The following RPL3 variants were observed in gnomAD, a reference collection of about 807,000 sequenced individuals.
RPL3 encodes ribosomal protein L3, also known as large ribosomal subunit protein uL3.
A neutral mutation model predicts 46.0 loss-of-function variants in RPL3; 3 were observed. The observed-to-expected ratio is 0.07, with a 90% CI of 0.03 to 0.17. The LOEUF (loss-of-function observed/expected upper bound fraction) is 0.17. Among genes scored for constraint, RPL3 ranks in the 10% least tolerant of loss-of-function variants. The pLI is 1.00. For synonymous variants in RPL3, 224 were observed against 190.8 expected (o/e 1.17, Z -1.43); for missense variants, 387 against 532.7 (o/e 0.73, Z 2.69).
At chr22:39,313,996 G>A in intron 7 of RPL3, 111 bp downstream of exon 7, 1 of 916,426 alleles carries the variant, frequency 1.1e-6, no homozygotes. Flanking sequence ...ACACAGCTAG[G>A]TGTTGTGTTG....
intron 9 of RPL3, 50 bp downstream of exon 9, chr22:39,313,141 G>T: frequency 1.1e-5 from 18 of 1,599,552 alleles, no homozygotes; most frequent in Non-Finnish European, 1.5e-5. Context: ...AAAGGCAGGC[G>T]GCTGCCCAAG....
At chr22:39,318,072 T>A (rs1299016124) in intron 2 of RPL3, 3 of 365,428 alleles carry the variant, frequency 8.2e-6, no homozygotes, top group African/African-American at 2.1e-5. Context: ...GAAAAAAACA[T>A]GAATGAGGCA....
rs143444539 is a variant in RPL3 at position 39,316,404 on chromosome 22, C to G, written c.501+302G>C. 4.5e-4 allele frequency among the ~76,000 whole-genome samples: 68 copies of G among 152,310 alleles called. No homozygotes were observed. The South Asian group carries it at 7.5e-3, about 17-fold the overall frequency. On this transcript the variant is annotated intron_variant, in intron 4 of 9. Transcript: ENST00000216146. ...TCAGCCAGGATAACCAGTAACAGGA[C>G]AGCAAGAGGCACCCACTCTAACCAA...
At chr22:39,313,578 G>T in intron 8 of RPL3, 56 bp downstream of exon 8, 1 of 1,542,048 alleles carries the variant, frequency 6.5e-7, no homozygotes, top group Non-Finnish European at 8.9e-7. Flanking sequence ...AGCGTCTGTG[G>T]CCTTGGATCC....
In RPL3 at chr22:39,314,779, G is replaced by A; in HGVS notation, c.756C>T (p.Ala252=). The A allele has an allele frequency of 6.2e-7, 1 of 1,613,708 alleles. No individual in the cohort carries two copies. The highest frequency in any genetic ancestry group is 1.1e-5 in the South Asian group (1 of 91,040). ...RKTHRGLRKV[A]CIGAWHPARV... is the part of the protein sequence containing the mutation. Reference sequence around the variant, plus strand: ...GAGCAGGATGCCATGCCCCAATACAGGCCACCTTGCGCAGGCCTCGGTGGG... The same window carrying A: ...GAGCAGGATGCCATGCCCCAATACAAGCCACCTTGCGCAGGCCTCGGTGGG... The change falls in exon 6 of 10, where the codon GCC becomes GCT. Residue 252 remains alanine, a synonymous_variant. Coordinates refer to ENST00000216146, the MANE Select transcript of RPL3 (RefSeq NM_000967.4).
At chr22:39,316,300 C>G (rs1310060756) in intron 4 of RPL3, among the ~76,000 whole-genome samples, 1 of 151,964 alleles carries the variant, frequency 6.6e-6, no homozygotes, top group Non-Finnish European at 1.5e-5. Context: ...TGGCAATGTC[C>G]TGACAAAATT....
In RPL3 at chr22:39,314,138, T is replaced by C. The variant is rs1272811845; in HGVS notation, c.920A>G (p.Tyr307Cys). The C allele has an allele frequency of 3.1e-6, 5 of 1,613,220 alleles. No homozygotes were observed. Among genetic ancestry groups the C allele is most frequent in the Non-Finnish European group, 4.2e-6 (5 of 1,180,002 alleles). The part of the protein sequence containing the change: ...KLIKNNASTD[Y>C]DLSDKSINPL... ...GTTGATGCTCTTGTCAGATAGGTCA[T>C]AGTCAGTGGAGGCATTGTTCTTGAT... Residue 307 changes from tyrosine to cysteine, a missense_variant, in exon 7 of 10, where the codon TAT becomes TGT. By Grantham distance (194) the Tyr-to-Cys change is radical. Around this residue, in one of 5 missense-constraint regions of RPL3, gnomAD observed 131 missense variants for 185.1 expected, o/e 0.71. Transcript: ENST00000216146.
intron 3 of RPL3, 47 bp downstream of exon 3, chr22:39,317,414 C>CAGCTCCCA (rs141799630): frequency 2.6e-5 from 41 of 1,589,926 alleles, no homozygotes; most frequent in South Asian, 9.0e-5. Flanking sequence ...CCCTGCTCTC[C>CAGCTCCCA]AGCTCCCAAG....
At chr22:39,316,874 C>A in intron 3 of RPL3, 33 bp from the exon 4 acceptor site, 1 of 1,613,216 alleles carries the variant, frequency 6.2e-7, no homozygotes, top group Non-Finnish European at 8.5e-7. Flanking sequence ...GGGAGGGGAC[C>A]AGGTGCAGGC....
chr22:39,316,593 T>G, intron 4 of RPL3, 113 bp downstream of exon 4: 1 of 1,393,980 alleles, frequency 7.2e-7, no homozygotes. Flanking sequence ...CACAGTGCCC[T>G]CTGCTGGCAA....
intron 6 of RPL3, 33 bp downstream of exon 6, chr22:39,314,653 C>G (rs374292805): frequency 4.4e-6 from 7 of 1,591,920 alleles, no homozygotes; most frequent in Non-Finnish European, 6.0e-6. Context: ...GGGGCCTCTT[C>G]CCACCCCCAG....
chr22:39,315,235 T>G, intron 5 of RPL3, 134 bp downstream of exon 5: 1 of 1,255,508 alleles, frequency 8.0e-7, no homozygotes, highest in Middle Eastern at 1.9e-4. Context: ...AGGAAGGCAG[T>G]AGAGAATGGT....
At chr22:39,316,096 G>C (rs940999509) in intron 4 of RPL3, among the ~76,000 whole-genome samples, 1 of 152,304 alleles carries the variant, frequency 6.6e-6, no homozygotes, top group East Asian at 1.9e-4. Flanking sequence ...AAAATTAGTA[G>C]GGCGTGGTGG....
In RPL3 at chr22:39,318,450, T is replaced by C. The variant is rs1403992247; in HGVS notation, c.146A>G (p.Tyr49Cys). 5.6e-6 allele frequency: 9 copies of C among 1,613,982 alleles called. No homozygotes were observed. Among genetic ancestry groups the C allele is most frequent in the Non-Finnish European group, 6.8e-6 (8 of 1,179,996 alleles). ...KPVHLTAFLG[Y>C]KAGMTHIVRE... ...CACGATGTGAGTCATGCCAGCCTTG[T>C]ATCCCAGGAAGGCTGTGAGGTGGAC... The change falls in exon 2 of 10, where the codon TAC becomes TGC. Residue 49 changes from tyrosine (Y) to cysteine (C), a missense_variant. Coordinates refer to ENST00000216146, the MANE Select transcript of RPL3 (RefSeq NM_000967.4).
chr22:39,316,372 CTT>C (rs1239279253), intron 4 of RPL3, among the ~76,000 whole-genome samples: 4 of 152,198 alleles, frequency 2.6e-5, no homozygotes, highest in African/African-American at 9.7e-5. Context: ...GCACTCAGCA[CTT>C]GAGATCAGCC....
chr22:39,314,981 G>A, intron 5 of RPL3, 135 bp from the exon 6 acceptor site: 7 of 1,255,670 alleles, frequency 5.6e-6, no homozygotes, highest in East Asian at 2.4e-5. Context: ...TTACCCACAG[G>A]TCTCCCCTGT....
intron 8 of RPL3, 66 bp downstream of exon 8, chr22:39,313,568 A>AGAG: frequency 6.8e-7 from 1 of 1,461,010 alleles, no homozygotes; most frequent in East Asian, 2.3e-5. Context: ...CAGGGCCACC[A>AGAG]GCGTCTGTGG....
Position 39,317,518 on chromosome 22 carries a change from T to G in RPL3, c.308A>C (p.Lys103Thr). 6.2e-7 allele frequency: 1 copy of G among 1,613,966 alleles called. No individual in the cohort carries two copies. ...ACTGATGTGCTCAGCAAAGACAGTC[T>G]TGAAGGTCCGGAGGCCTCGAGGGGT... ...VETPRGLRTF[K>T]TVFAEHISDE... Residue 103 changes from lysine (K) to threonine (T), a missense_variant, in exon 3 of 10, where the codon AAG (lysine) becomes ACG (threonine). Lys to Thr is a moderately conservative substitution (Grantham distance 78). Transcript: ENST00000216146.
chr22:39,313,302 C>T lies in RPL3; in HGVS notation c.1056G>A (p.Leu352=). 1 of 1,613,978 alleles carries T rather than the reference C, an allele frequency of 6.2e-7. No individual in the cohort carries two copies. Among genetic ancestry groups the T allele is most frequent in the Non-Finnish European group, 8.5e-7 (1 of 1,179,968 alleles). ...CCAGAGCCCGCCGCTTCGTCTGCAC[C>T]AGCAAGGACTATGGGCCAAGAGGGG... ...KRVLTLRKSL[L]VQTKRRALEK... Residue 352 remains leucine (L), a synonymous_variant, in exon 9 of 10, where the codon CTG becomes CTA. Transcript: ENST00000216146.
Sources: allele counts gnomAD v4.1 joint callset (sites outside exome capture counted in the v4.1 genomes callset), GRCh38; gene constraint gnomAD v4.1.1; regional missense constraint gnomAD v4.1.1; transcripts MANE v1.5; gene names NCBI Gene and HGNC (gene_info 2026-07-23, HGNC 2026-07-21).